MED12L: variants seen among roughly 807,000 people sequenced by gnomAD.
MED12L encodes the protein mediator of RNA polymerase II transcription subunit 12-like protein.
MED12L carries 60 observed loss-of-function variants against 281.3 expected under a neutral mutation model. The observed-to-expected ratio is 0.21, with a 90% confidence interval of 0.17 to 0.26. The LOEUF (loss-of-function observed/expected upper bound fraction) is 0.26. Ranked by LOEUF, MED12L falls within the 10% of genes least tolerant of loss-of-function variation. MED12L has a pLI of 1.00. For missense variants in MED12L, 2,146 were observed against 2,680.9 expected, an observed-to-expected ratio of 0.80 and a Z score of 4.41; for synonymous variants, 974 against 987.2, an observed-to-expected ratio of 0.99 and a Z score of 0.25.
Position 151,390,051 on chromosome 3 carries a change from C to G in MED12L, c.5524C>G (p.Pro1842Ala). Residue 1842 changes from proline to alanine, a missense_variant, in exon 38 of 45, where the codon CCA becomes GCA. By Grantham distance (27) the Pro-to-Ala change is conservative (BLOSUM62 -1). Transcript: ENST00000687756. ...TATCTCCTCCCAAATGATGCACCAT[C>G]CACAGTCCACCTTGTGGGGTTACAA... is the stretch of plus-strand genomic sequence containing the variant. ...SPISSQMMHH[P>A]QSTLWGYNLV... The G allele has an allele frequency of 6.2e-7, 1 of 1,614,134 alleles. No individual in the cohort carries two copies. The highest frequency in any genetic ancestry group is 1.1e-5 in the South Asian group (1 of 91,080).
chr3:151,413,479 GT>G (rs1278509743), intron 42 of MED12L, among the ~76,000 whole-genome samples, 184 bp downstream of exon 42: 4 of 152,176 alleles, frequency 2.6e-5, no homozygotes, highest in African/African-American at 9.7e-5. Context: ...TATTTTCTCT[GT>G]GTATCTACCA....
At chr3:151,196,681 G>T (rs750576598) in intron 16 of MED12L, among the ~76,000 whole-genome samples, 6 of 152,240 alleles carry the variant, frequency 3.9e-5, no homozygotes, top group Non-Finnish European at 7.3e-5. Flanking sequence ...CACTGTGTCA[G>T]ATGTGTGAGG....
At chr3:151,195,283 G>A (rs1046325535) in intron 16 of MED12L, among the ~76,000 whole-genome samples, 6 of 151,886 alleles carry the variant, frequency 4.0e-5, no homozygotes, top group African/African-American at 1.5e-4. Flanking sequence ...TTGGTATTTT[G>A]GAATATCTCC....
intron 16 of MED12L, among the ~76,000 whole-genome samples, chr3:151,263,430 CAG>C (rs1739266510): frequency 6.6e-6 from 1 of 152,168 alleles, no homozygotes; most frequent in South Asian, 2.1e-4. Flanking sequence ...TGAAGGCTGA[CAG>C]AATTATCATA....
chr3:151,130,541 A>G (rs1429236047), intron 5 of MED12L, among the ~76,000 whole-genome samples: 1 of 152,176 alleles, frequency 6.6e-6, no homozygotes, highest in Non-Finnish European at 1.5e-5. Context: ...GTTAGGGCAG[A>G]AATTACGCCA....
chr3:151,229,439 T>C (rs1731182418), intron 16 of MED12L, among the ~76,000 whole-genome samples: 1 of 150,474 alleles, frequency 6.6e-6, no homozygotes, highest in African/African-American at 2.4e-5. Context: ...CCCGAGTAGC[T>C]GGGACTACAG....
chr3:151,338,214 A>C, intron 16 of MED12L: 1 of 1,614,110 alleles, frequency 6.2e-7, no homozygotes, highest in Non-Finnish European at 8.5e-7. Context: ...TTTTGTAATG[A>C]GTGTATAACA....
rs139957756 is a variant in MED12L at position 151,108,491 on chromosome 3, G to A, written c.100-7847G>A. Among the ~76,000 whole-genome samples the A allele has an allele frequency of 2.3e-3, 357 of 152,282 alleles. 2 individuals are homozygous for A. The highest frequency in any genetic ancestry group is 8.2e-3 in the African/African-American group (340 of 41,552). On this transcript the variant is annotated intron_variant, in intron 2 of 44. Coordinates refer to ENST00000687756, the MANE Select transcript of MED12L (RefSeq NM_001393769.1). ...CTGGGGTTTACAGACATCCTTGGGG[G>A]TCTGAGAGAATGTTCTTTTGGGGGA...
chr3:151,327,797 T>C lies in MED12L; in HGVS notation c.2251-22262T>C, dbSNP rs1749823090. 1.4e-5 allele frequency: 6 copies of C among 415,520 alleles called. No homozygotes were observed. In the East Asian group the frequency reaches 2.1e-4, roughly 15 times the overall value. The allele number at this position is 415,520 out of a possible 1,614,324, so 25.7% of individuals were successfully genotyped here. A position where few individuals can be genotyped will look rare whatever the true frequency, so the allele number is the denominator to read the frequency against. On this transcript the variant is annotated intron_variant, in intron 16 of 44. Coordinates refer to ENST00000687756, the MANE Select transcript of MED12L (RefSeq NM_001393769.1). Reference sequence around the variant, plus strand: ...TAGTGGCCATTTGTATCCTGTTGCATTCTCTTAGTAATGGTTCATTCAGCT... The same window carrying C: ...TAGTGGCCATTTGTATCCTGTTGCACTCTCTTAGTAATGGTTCATTCAGCT...
intron 19 of MED12L, among the ~76,000 whole-genome samples, chr3:151,356,514 TAAAC>T (rs951383715): frequency 1.3e-5 from 2 of 152,214 alleles, no homozygotes; most frequent in African/African-American, 2.4e-5. Flanking sequence ...TTAACAGTCT[TAAAC>T]TAACATTTTA....
chr3:151,289,585 CTG>C (rs763853902), intron 16 of MED12L, among the ~76,000 whole-genome samples: 44 of 152,306 alleles, frequency 2.9e-4, no homozygotes, highest in Admixed American at 2.2e-3. Flanking sequence ...CTTTTTAAGA[CTG>C]TTTAAAAACT....
chr3:151,198,334 T>G (rs1320225048), intron 16 of MED12L: 1 of 970,132 alleles, frequency 1.0e-6, no homozygotes, highest in Non-Finnish European at 1.4e-6. Flanking sequence ...CATACTGAGT[T>G]TTTTTTTGTT....
chr3:151,125,937 G>A (rs369363170), intron 4 of MED12L, among the ~76,000 whole-genome samples: 9 of 151,968 alleles, frequency 5.9e-5, no homozygotes, highest in Admixed American at 1.3e-4. Flanking sequence ...CAGTGTAATC[G>A]CCTCTGTCAT....
intron 16 of MED12L, among the ~76,000 whole-genome samples, chr3:151,341,731 C>T (rs1751854428): frequency 6.6e-6 from 1 of 151,668 alleles, no homozygotes; most frequent in Non-Finnish European, 1.5e-5. Context: ...TCCCCCATCC[C>T]CCCACCCCAC....
Position 151,365,115 on chromosome 3 carries a change from G to T in MED12L, c.3094G>T (p.Gly1032Cys). The change falls in exon 22 of 45, where the codon GGC (glycine) becomes TGC (cysteine). Residue 1032 changes from glycine to cysteine, a missense_variant. Physicochemically the swap from Gly to Cys is radical, Grantham distance 159. Transcript: ENST00000687756. ...SARSINYSML[G>C]KILSDNAANR... ...CCGCAGCATCAACTACTCAATGCTG[G>T]GCAAGATCCTCAGTGACAATGCGGC... The T allele has an allele frequency of 6.2e-7, 1 of 1,613,966 alleles. No homozygotes were observed. Among genetic ancestry groups the T allele is most frequent in the Non-Finnish European group, 8.5e-7 (1 of 1,179,938 alleles).
Position 151,436,547 on chromosome 3 carries a change from A to G in MED12L, c.*3743A>G. The G allele has an allele frequency of 1.6e-6, 1 of 607,668 alleles. No homozygotes were observed. Among genetic ancestry groups the G allele is most frequent in the Non-Finnish European group, 2.8e-6 (1 of 354,086 alleles). The allele number at this position is 607,668 out of a possible 1,614,324, so 37.6% of individuals were successfully genotyped here. On this transcript the variant is annotated 3_prime_UTR_variant, in exon 45 of 45. Transcript: ENST00000687756. ...ATCAGTTCATAATGCATTTATTTAC[A>G]AGTCCTTTTATTTTGCATGTTCATT...
At chr3:151,278,418 C>T (rs80221973) in intron 16 of MED12L, 2 of 152,178 alleles carry the variant, frequency 1.3e-5, no homozygotes, top group African/African-American at 4.8e-5. Flanking sequence ...AGGAACTTGA[C>T]AGAAACCACA....
intron 14 of MED12L, among the ~76,000 whole-genome samples, chr3:151,191,596 G>A (rs556350189): frequency 2.6e-5 from 4 of 152,226 alleles, no homozygotes; most frequent in African/African-American, 7.2e-5. Context: ...ACGAGAACTT[G>A]AGACAATTGC....
intron 17 of MED12L, among the ~76,000 whole-genome samples, chr3:151,353,668 T>G (rs1753529060): frequency 6.6e-6 from 1 of 152,252 alleles, no homozygotes; most frequent in African/African-American, 2.4e-5. Context: ...TGTTATTGTT[T>G]AAGACCATTA....
Sources: gnomAD v4.1 joint callset for allele counts (sites outside exome capture counted in the v4.1 genomes callset) on GRCh38, gnomAD v4.1.1 for gene constraint, MANE v1.5 for transcripts, NCBI Gene and HGNC (gene_info 2026-07-23, HGNC 2026-07-21) for gene names.